EDC4: variants seen among roughly 807,000 people sequenced by gnomAD.
EDC4 encodes the protein enhancer of mRNA-decapping protein 4.
In EDC4, 64 loss-of-function variants were observed where a neutral mutation model predicts 155.8. That is an observed-to-expected ratio of 0.41 (90% CI 0.34 to 0.51). The LOEUF (loss-of-function observed/expected upper bound fraction) is 0.51, where lower values mean the gene tolerates loss of function less well. EDC4 is among the 20% of genes least tolerant of loss of function. The pLI, the probability that EDC4 is intolerant of heterozygous loss-of-function variation, is 0.19. For missense variants in EDC4, 1,303 were observed against 1,812.5 expected, an observed-to-expected ratio of 0.72 and a Z score of 5.10; for synonymous variants, 684 against 716.8, an observed-to-expected ratio of 0.95 and a Z score of 0.73.
intron 1 of EDC4, among the ~76,000 whole-genome samples, chr16:67,874,389 G>A (rs1318551877): frequency 6.6e-6 from 1 of 152,182 alleles, no homozygotes; most frequent in Non-Finnish European, 1.5e-5. Flanking sequence ...CACTAGGGGT[G>A]GATTCAACTA....
In EDC4 at chr16:67,879,832, T is replaced by C; in HGVS notation, c.1822-18T>C. 1 of 1,613,506 alleles carries C rather than the reference T, an allele frequency of 6.2e-7. No homozygotes were observed. On this transcript the variant is annotated intron_variant, in intron 15 of 28. Coordinates refer to ENST00000358933, the MANE Select transcript of EDC4 (RefSeq NM_014329.5). This position sits in a 1 kb window ranked among gnomAD's most constrained non-coding sequence, Gnocchi z 6.0. ...CCTCAGCCACAGGCCACAGGTCTTATTTCCTGCATCTCCCCAGATCACTGC... is the reference window on the plus strand; with the variant it reads ...CCTCAGCCACAGGCCACAGGTCTTACTTCCTGCATCTCCCCAGATCACTGC...
Position 67,877,487 on chromosome 16 carries a change from T to C in EDC4, c.642-22T>C. 1 of 1,613,948 alleles carries C rather than the reference T, an allele frequency of 6.2e-7. No homozygotes were observed. The highest frequency in any genetic ancestry group is 8.5e-7 in the Non-Finnish European group (1 of 1,179,886). On this transcript the variant is annotated intron_variant, in intron 5 of 28. Transcript: ENST00000358933. The surrounding 1 kb of genome is among the most constrained non-coding windows in gnomAD (Gnocchi z 4.9). The stretch of plus-strand genomic sequence containing the variant: ...TGTCACGCCTCTTCATTCATCTATC[T>C]AGCCCTTAACACCCTGCTCAGAGAA...
Position 67,883,313 on chromosome 16 carries a change from C to G in EDC4, c.3849+136C>G. On this transcript the variant is annotated intron_variant, in intron 27 of 28. Transcript: ENST00000358933. This position sits in a 1 kb window ranked among gnomAD's most constrained non-coding sequence, Gnocchi z 5.3. ...TTCTTGGTTCCCTTTGGCCTCCAGGCCATTGTCCCTGCTGCTTCCTCTTCC... is the reference window on the plus strand; with the variant it reads ...TTCTTGGTTCCCTTTGGCCTCCAGGGCATTGTCCCTGCTGCTTCCTCTTCC... 4.3e-6 allele frequency: 6 copies of G among 1,390,742 alleles called. No individual in the cohort carries two copies. Among genetic ancestry groups the G allele is most frequent in the South Asian group, 1.4e-5 (1 of 70,040 alleles). 86.2% of individuals were successfully genotyped at this position (1,390,742 alleles called of 1,614,324 possible).
rs751196056 is a variant in EDC4 at position 67,879,989 on chromosome 16, G to A, written c.1943+18G>A. 6.3e-7 allele frequency: 1 copy of A among 1,597,644 alleles called. No homozygotes were observed. The highest frequency in any genetic ancestry group is 1.1e-5 in the South Asian group (1 of 89,280). On this transcript the variant is annotated intron_variant, in intron 16 of 28. Coordinates refer to ENST00000358933, the MANE Select transcript of EDC4 (RefSeq NM_014329.5). This position sits in a 1 kb window ranked among gnomAD's most constrained non-coding sequence, Gnocchi z 6.0. ...TTGACCAGGTGAGGCAAGGGTCAGAGATGGAGGATGGCAGGGGCTGGTACC... is the reference window on the plus strand; with the variant it reads ...TTGACCAGGTGAGGCAAGGGTCAGAAATGGAGGATGGCAGGGGCTGGTACC...
At position 67,879,043 on chromosome 16, in the gene EDC4, T is replaced by C. The variant is rs1342752905; in HGVS notation, c.1374T>C (p.Pro458=). 6 of 1,613,066 alleles carry C rather than the reference T, an allele frequency of 3.7e-6. No individual in the cohort carries two copies. Among genetic ancestry groups the C allele is most frequent in the Non-Finnish European group, 5.1e-6 (6 of 1,179,994 alleles). The change falls in exon 12 of 29, where the codon CCT becomes CCC. Residue 458 remains proline (P), a synonymous_variant. Transcript: ENST00000358933. The surrounding 1 kb of genome is among the most constrained non-coding windows in gnomAD (Gnocchi z 6.0). The part of the protein sequence containing the change: ...SSISEFLLTH[P]VLSFGIQVVS... ...TCTCGGAGTTCCTGCTCACCCACCC[T>C]GTGCTGAGCTTTGGTATCCAGGTTG...
rs1416473143 is a variant in EDC4, at chr16:67,881,235, G to T, written c.2637-30G>T. On this transcript the variant is annotated intron_variant, in intron 19 of 28. Transcript: ENST00000358933. The surrounding 1 kb of genome is among the most constrained non-coding windows in gnomAD (Gnocchi z 5.4). ...TGGGGGGATGGGCAGCAAGTGGGCAGGGGCTTACTCCTCCTTCCCCTTCCC... is the reference window on the plus strand; with the variant it reads ...TGGGGGGATGGGCAGCAAGTGGGCATGGGCTTACTCCTCCTTCCCCTTCCC... 3.7e-6 allele frequency: 6 copies of T among 1,613,906 alleles called. No homozygotes were observed. The African/African-American group carries it at 6.7e-5, about 18-fold the overall frequency.
In EDC4 at chr16:67,881,507, A is replaced by G; in HGVS notation, c.2800A>G (p.Met934Val). ...TCTCGCCTATGGCAGGGATGCAGCC[A>G]TGGGATCCCGGCTCACAGAGCACCA... ...KSKKDDGDAAMGSRLTEHQVA... is the reference protein window; with the variant it reads ...KSKKDDGDAAVGSRLTEHQVA... Residue 934 changes from methionine (M) to valine (V), a missense_variant, in exon 21 of 29, where the codon ATG (methionine) becomes GTG (valine). Physicochemically the swap from Met to Val is conservative, Grantham distance 21. Coordinates refer to ENST00000358933, the MANE Select transcript of EDC4 (RefSeq NM_014329.5). This position sits in a 1 kb window ranked among gnomAD's most constrained non-coding sequence, Gnocchi z 5.4. The G allele has an allele frequency of 5.6e-6, 9 of 1,614,020 alleles. No homozygotes were observed. Among genetic ancestry groups the G allele is most frequent in the Non-Finnish European group, 6.8e-6 (8 of 1,180,018 alleles).
In EDC4 at chr16:67,880,635, C is replaced by G; in HGVS notation, c.2176C>G (p.Arg726Gly). ...PLGLPQASPS[R>G]TRSPDVISSA... ...GGGGCTACCCCAAGCCTCCCCTAGC[C>G]GCACTCGTTCCCCTGATGTCATCTC... is the stretch of plus-strand genomic sequence containing the variant. Residue 726 changes from arginine to glycine, a missense_variant, in exon 18 of 29, where the codon CGC becomes GGC. Arg to Gly is a moderately radical substitution (Grantham distance 125). Around this residue, in one of 5 missense-constraint regions of EDC4, gnomAD observed 391 missense variants for 445.4 expected, o/e 0.88. Transcript: ENST00000358933. The surrounding 1 kb of genome is among the most constrained non-coding windows in gnomAD (Gnocchi z 5.2). 1 of 1,614,212 alleles carries G rather than the reference C, an allele frequency of 6.2e-7. No homozygotes were observed. Among genetic ancestry groups the G allele is most frequent in the African/African-American group, 1.3e-5 (1 of 75,066 alleles).
Position 67,883,690 on chromosome 16 carries a change from G to A in EDC4, c.3972G>A (p.Gln1324=). ...SQPVLLSLIQ[Q]LASDLGTRTD... is the part of the protein sequence containing the mutation. ...CTGTGCTCCTTTCCCTCATCCAGCA[G>A]CTGGCATCTGACCTTGGCACTCGAA... Residue 1324 remains glutamine (Q), a synonymous_variant, in exon 28 of 29, where the codon CAG becomes CAA. Coordinates refer to ENST00000358933, the MANE Select transcript of EDC4 (RefSeq NM_014329.5). The surrounding 1 kb of genome is among the most constrained non-coding windows in gnomAD (Gnocchi z 5.3). 6.2e-7 allele frequency: 1 copy of A among 1,614,142 alleles called. No homozygotes were observed. Among genetic ancestry groups the A allele is most frequent in the East Asian group, 2.2e-5 (1 of 44,880 alleles).
rs1438231625 is a variant in EDC4 at position 67,882,513 on chromosome 16, G to A, written c.3361G>A (p.Val1121Met). Residue 1121 changes from valine (V) to methionine (M), a missense_variant, in exon 25 of 29, where the codon GTG (valine) becomes ATG (methionine). Physicochemically the swap from Val to Met is conservative, Grantham distance 21 (BLOSUM62 1). This residue lies in a region of EDC4 where 527 missense variants were observed against 757.0 expected (regional missense o/e 0.70). Coordinates refer to ENST00000358933, the MANE Select transcript of EDC4 (RefSeq NM_014329.5). This position sits in a 1 kb window ranked among gnomAD's most constrained non-coding sequence, Gnocchi z 7.2. ...TGCCTACCGGGAAGCCTTCCAGAGT[G>A]TGGTGCTGCCGGCCTTTGAGAAGAG... ...QAAYREAFQS[V>M]VLPAFEKSCQ... 1 of 1,614,252 alleles carries A rather than the reference G, an allele frequency of 6.2e-7. No individual in the cohort carries two copies. Among genetic ancestry groups the A allele is most frequent in the Middle Eastern group, 1.6e-4 (1 of 6,062 alleles).
Position 67,882,105 on chromosome 16 carries a change from T to A in EDC4, c.3156T>A (p.Pro1052=). Residue 1052 remains proline (P), a synonymous_variant, in exon 23 of 29, where the codon CCT becomes CCA. Transcript: ENST00000358933. The surrounding 1 kb of genome is among the most constrained non-coding windows in gnomAD (Gnocchi z 7.2). ...SIRDEIKKTV[P]PCVSRSLEPM... ...GGGATGAGATCAAGAAGACAGTCCC[T>A]CCATGTGAGTTTTGCATGCAGACTC... 1 of 1,613,824 alleles carries A rather than the reference T, an allele frequency of 6.2e-7. No individual in the cohort carries two copies. The highest frequency in any genetic ancestry group is 8.5e-7 in the Non-Finnish European group (1 of 1,179,998).
At position 67,879,122 on chromosome 16, in the gene EDC4, G is replaced by A. The variant is rs1265637535; in HGVS notation, c.1453G>A (p.Asp485Asn). The A allele has an allele frequency of 5.6e-6, 9 of 1,613,760 alleles. No homozygotes were observed. The highest frequency in any genetic ancestry group is 7.6e-6 in the Non-Finnish European group (9 of 1,179,820). The stretch of plus-strand genomic sequence containing the variant: ...GGTGCTGCCTGCCGAAGAGGAAAAT[G>A]ACAGCCTGGGTGCTGGTGAGCTGCC... ...TEVLPAEEEN[D>N]SLGADGTHGA... The change falls in exon 12 of 29, where the codon GAC (aspartate) becomes AAC (asparagine). Residue 485 changes from aspartate to asparagine, a missense_variant. Physicochemically the swap from Asp to Asn is conservative, Grantham distance 23 (BLOSUM62 1). Coordinates refer to ENST00000358933, the MANE Select transcript of EDC4 (RefSeq NM_014329.5). The surrounding 1 kb of genome is among the most constrained non-coding windows in gnomAD (Gnocchi z 6.0).
Position 67,883,127 on chromosome 16 carries a change from C to T in EDC4, c.3799C>T (p.His1267Tyr). The T allele has an allele frequency of 6.2e-7, 1 of 1,606,850 alleles. No homozygotes were observed. Among genetic ancestry groups the T allele is most frequent in the South Asian group, 1.1e-5 (1 of 90,302 alleles). The part of the protein sequence containing the change: ...AHLDCQAQQA[H>Y]ILQLLQQGHL... ...CCTTGACTGCCAGGCCCAGCAAGCC[C>T]ATATCCTGCAGCTGCTGCAGCAGGG... The change falls in exon 27 of 29, where the codon CAT becomes TAT. Residue 1267 changes from histidine to tyrosine, a missense_variant. This residue lies in a region of EDC4 where 527 missense variants were observed against 757.0 expected (regional missense o/e 0.70). Coordinates refer to ENST00000358933, the MANE Select transcript of EDC4 (RefSeq NM_014329.5). This position sits in a 1 kb window ranked among gnomAD's most constrained non-coding sequence, Gnocchi z 5.3.
chr16:67,879,066 T>C lies in EDC4; in HGVS notation c.1397T>C (p.Val466Ala). 2 of 1,613,420 alleles carry C rather than the reference T, an allele frequency of 1.2e-6. No individual in the cohort carries two copies. The highest frequency in any genetic ancestry group is 1.7e-5 in the Admixed American group (1 of 60,014). The change falls in exon 12 of 29, where the codon GTT becomes GCT. Residue 466 changes from valine to alanine, a missense_variant. Physicochemically the swap from Val to Ala is moderately conservative, Grantham distance 64 (BLOSUM62 0). Transcript: ENST00000358933. This position sits in a 1 kb window ranked among gnomAD's most constrained non-coding sequence, Gnocchi z 6.0. The part of the protein sequence containing the change: ...THPVLSFGIQ[V>A]VSRCRLRHTE... ...CCTGTGCTGAGCTTTGGTATCCAGGTTGTGAGTCGCTGCCGGCTACGGCAC... is the reference window on the plus strand; with the variant it reads ...CCTGTGCTGAGCTTTGGTATCCAGGCTGTGAGTCGCTGCCGGCTACGGCAC...
rs1406431717 is a variant in EDC4, at chr16:67,880,566, G to T, written c.2107G>T (p.Ala703Ser). 10 of 1,612,888 alleles carry T rather than the reference G, an allele frequency of 6.2e-6. No individual in the cohort carries two copies. The highest frequency in any genetic ancestry group is 8.5e-6 in the Non-Finnish European group (10 of 1,179,162). ...CTTTGGCCCACCTCAGGTGCCTACT[G>T]CCACCTCTGCACTGTCCCTGGAGCT... The part of the protein sequence containing the change: ...TPKGPGQVPT[A>S]TSALSLELQE... Residue 703 changes from alanine to serine, a missense_variant, in exon 18 of 29, where the codon GCC becomes TCC. Physicochemically the swap from Ala to Ser is moderately conservative, Grantham distance 99. This residue lies in a region of EDC4 where 391 missense variants were observed against 445.4 expected (regional missense o/e 0.88). Transcript: ENST00000358933. The surrounding 1 kb of genome is among the most constrained non-coding windows in gnomAD (Gnocchi z 5.2).
chr16:67,881,929 G>A lies in EDC4; in HGVS notation c.3005-25G>A, dbSNP rs768216519. 1.2e-6 allele frequency: 2 copies of A among 1,604,274 alleles called. No individual in the cohort carries two copies. The highest frequency in any genetic ancestry group is 1.7e-6 in the Non-Finnish European group (2 of 1,173,344). On this transcript the variant is annotated intron_variant, in intron 22 of 28. Transcript: ENST00000358933. This position sits in a 1 kb window ranked among gnomAD's most constrained non-coding sequence, Gnocchi z 5.4. ...GGGAAGGAGTACACGACCTGCTCCA[G>A]GCCCGTTCCTTAGCTATGGCGCAGA...
At position 67,882,577 on chromosome 16, in the gene EDC4, G is replaced by A. The variant is rs765430239; in HGVS notation, c.3425G>A (p.Arg1142Gln). ...AMFQQINDSF[R>Q]LGTQEYLQQL... ...TTCCAGCAAATCAATGATAGCTTCCGGCTGGGGACACAGGAATGTGAGTGG... is the reference window on the plus strand; with the variant it reads ...TTCCAGCAAATCAATGATAGCTTCCAGCTGGGGACACAGGAATGTGAGTGG... The change falls in exon 25 of 29, where the codon CGG becomes CAG. Residue 1142 changes from arginine to glutamine, a missense_variant. By Grantham distance (43) the Arg-to-Gln change is conservative. This residue lies in a region of EDC4 where 527 missense variants were observed against 757.0 expected (regional missense o/e 0.70). Coordinates refer to ENST00000358933, the MANE Select transcript of EDC4 (RefSeq NM_014329.5). The surrounding 1 kb of genome is among the most constrained non-coding windows in gnomAD (Gnocchi z 7.2). 11 of 1,614,228 alleles carry A rather than the reference G, an allele frequency of 6.8e-6. No homozygotes were observed. Among genetic ancestry groups the A allele is most frequent in the Admixed American group, 5.0e-5 (3 of 60,028 alleles).
At position 67,877,085 on chromosome 16, in the gene EDC4, C is replaced by A; in HGVS notation, c.451+113C>A. The A allele has an allele frequency of 6.5e-7, 1 of 1,542,210 alleles. No individual in the cohort carries two copies. Among genetic ancestry groups the A allele is most frequent in the Non-Finnish European group, 8.7e-7 (1 of 1,143,140 alleles). On this transcript the variant is annotated intron_variant, in intron 4 of 28. Coordinates refer to ENST00000358933, the MANE Select transcript of EDC4 (RefSeq NM_014329.5). This position sits in a 1 kb window ranked among gnomAD's most constrained non-coding sequence, Gnocchi z 4.9. ...TACAATGGAAGGTTTGTCCATGCTG[C>A]CTCTTGGGGAGCTGGGTGGGAAAAC...
rs1485550395 is a variant in EDC4, at chr16:67,877,572, C to G, written c.705C>G (p.Ile235Met). ...EGTPLNHFRR[I>M]IWCPFIPEES... ...CGCCACTGAACCACTTTCGCAGGAT[C>G]ATCTGGTGCCCCTTCATCCCTGAGG... Residue 235 changes from isoleucine to methionine, a missense_variant, in exon 6 of 29, where the codon ATC becomes ATG. Coordinates refer to ENST00000358933, the MANE Select transcript of EDC4 (RefSeq NM_014329.5). The surrounding 1 kb of genome is among the most constrained non-coding windows in gnomAD (Gnocchi z 4.9). 5.0e-6 allele frequency: 8 copies of G among 1,614,218 alleles called. No individual in the cohort carries two copies. Among genetic ancestry groups the G allele is most frequent in the Non-Finnish European group, 5.9e-6 (7 of 1,180,038 alleles).
Sources: gnomAD v4.1 joint callset for allele counts (sites outside exome capture counted in the v4.1 genomes callset) on GRCh38, gnomAD v4.1.1 for gene constraint, gnomAD v4.1.1 regional missense constraint, Gnocchi (gnomAD v3.1) non-coding constraint, MANE v1.5 for transcripts, NCBI Gene and HGNC (gene_info 2026-07-23, HGNC 2026-07-21) for gene names.